ZNF225: variants seen among roughly 807,000 people sequenced by gnomAD.
The protein encoded by ZNF225 is zinc finger protein 225.
ZNF225 carries 6 observed loss-of-function variants against 12.0 expected under a neutral mutation model. The ratio of observed to expected loss-of-function variants is 0.50; its 90% CI spans 0.27 to 0.98. ZNF225 has a LOEUF of 0.98. Ranked by LOEUF, ZNF225 falls within the 50% of genes least tolerant of loss-of-function variation. The probability of loss-of-function intolerance (pLI) is 0.11; values close to 1 mark genes in which losing one functional copy is unlikely to be tolerated. For missense variants in ZNF225, 763 were observed against 848.2 expected, an observed-to-expected ratio of 0.90 and a Z score of 1.25; for synonymous variants, 271 against 283.2, an observed-to-expected ratio of 0.96 and a Z score of 0.43.
chr19:44,120,011 A>G (rs1446274177), intron 4 of ZNF225, among the ~76,000 whole-genome samples: 3 of 152,130 alleles, frequency 2.0e-5, no homozygotes, highest in Non-Finnish European at 4.4e-5. Flanking sequence ...TGAGATCAGG[A>G]GTTTGAGACC....
At chr19:44,113,017 G>C (rs1302504337), upstream of ZNF225, 1 of 152,210 alleles carries the variant, frequency 6.6e-6, no homozygotes, top group East Asian at 1.9e-4. Context: ...GCAGGCGCTC[G>C]TGGCTTTGGG....
Position 44,131,723 on chromosome 19 carries a change from A to C in ZNF225, c.1109A>C (p.Lys370Thr), listed in dbSNP as rs1968265386. The C allele has an allele frequency of 6.2e-7, 1 of 1,614,238 alleles. No homozygotes were observed. Among genetic ancestry groups the C allele is most frequent in the East Asian group, 2.2e-5 (1 of 44,888 alleles). Residue 370 changes from lysine (K) to threonine (T), a missense_variant, in exon 5 of 5, where the codon AAG becomes ACG. Transcript: ENST00000262894. ...YKHQIDHTGEKPYNCKECGKS... is the reference protein window; with the variant it reads ...YKHQIDHTGETPYNCKECGKS... ...CATCAGATAGACCACACAGGGGAGA[A>C]GCCATATAATTGTAAAGAATGTGGA...
upstream of ZNF225, among the ~76,000 whole-genome samples, chr19:44,112,609 T>C (rs970098586): frequency 6.6e-6 from 1 of 152,224 alleles, no homozygotes; most frequent in African/African-American, 2.4e-5. Flanking sequence ...AAAAGCTTTT[T>C]GGTTGAGCAA....
chr19:44,120,904 T>C (rs1599675580), intron 4 of ZNF225, among the ~76,000 whole-genome samples: 1 of 7,298 alleles, frequency 1.4e-4, no homozygotes, highest in South Asian at 3.2e-3. Context: ...CATTTCTCTC[T>C]TTTTTTTTTT....
At chr19:44,119,051 C>T (rs552745563) in intron 4 of ZNF225, among the ~76,000 whole-genome samples, 4 of 152,258 alleles carry the variant, frequency 2.6e-5, no homozygotes, top group East Asian at 3.9e-4. Context: ...CTCCTGACCT[C>T]GTGATCCGCC....
At position 44,133,309 on chromosome 19, in the gene ZNF225, A is replaced by G. The variant is rs1968326255; in HGVS notation, c.*574A>G. On this transcript the variant is annotated 3_prime_UTR_variant, in exon 5 of 5. Transcript: ENST00000262894. ...TATCGTGAATGGTGCTGCAATAAAC[A>G]TGGGGGGGTGGAGATAACACTTTAA... is the stretch of plus-strand genomic sequence containing the variant. The G allele has an allele frequency of 6.6e-6, 1 of 152,330 alleles. No individual in the cohort carries two copies. Among genetic ancestry groups the G allele is most frequent in the Non-Finnish European group, 1.5e-5 (1 of 68,214 alleles). 9.4% of individuals were successfully genotyped at this position (152,330 alleles called of 1,614,324 possible). A position where few individuals can be genotyped will look rare whatever the true frequency, so the allele number is the denominator to read the frequency against.
intron 2 of ZNF225, among the ~76,000 whole-genome samples, chr19:44,117,284 A>C (rs1967959749): frequency 6.6e-6 from 1 of 152,256 alleles, no homozygotes; most frequent in African/African-American, 2.4e-5. Flanking sequence ...AGGAAGGCAC[A>C]GAGCCTTGGG....
rs1200914276 is a variant in ZNF225, at chr19:44,131,455, A to G, written c.841A>G (p.Ile281Val). Residue 281 changes from isoleucine (I) to valine (V), a missense_variant, in exon 5 of 5, where the codon ATC becomes GTC. Transcript: ENST00000262894. The part of the protein sequence containing the change: ...HDSQLQEHQR[I>V]HTGEKPFKCD... ...TTCCCAGCTTCAGGAACATCAAAGA[A>G]TCCATACTGGGGAGAAGCCATTCAA... 6.2e-7 allele frequency: 1 copy of G among 1,614,212 alleles called. No individual in the cohort carries two copies. Among genetic ancestry groups the G allele is most frequent in the Non-Finnish European group, 8.5e-7 (1 of 1,180,032 alleles).
Position 44,131,095 on chromosome 19 carries a change from TCC to T in ZNF225, c.482_483del (p.Ser161CysfsTer3). The T allele has an allele frequency of 3.7e-6, 6 of 1,614,156 alleles. No homozygotes were observed. The highest frequency in any genetic ancestry group is 4.2e-6 in the Non-Finnish European group (5 of 1,179,982). The stretch of plus-strand genomic sequence containing the variant: ...GTGTAAAAAGTCCTTTAGTGATGTC[TCC>T]GTCCTTGATCTTCATCAACAACTAC... ...RTCKKSFSDV[S>X]VLDLHQQLQS... On this transcript the variant is annotated frameshift_variant, in exon 5 of 5. Coordinates refer to ENST00000262894, the MANE Select transcript of ZNF225 (RefSeq NM_013362.4). LOFTEE classifies it low-confidence loss of function (END_TRUNC).
intron 4 of ZNF225, chr19:44,129,765 C>T (rs189737533): frequency 2.0e-5 from 3 of 152,242 alleles, no homozygotes; most frequent in Admixed American, 1.3e-4. Flanking sequence ...ACTTACTAGA[C>T]CTACTACCTC....
chr19:44,131,199 G>A lies in ZNF225; in HGVS notation c.585G>A (p.Gln195=). ...FCYSSALRIH[Q]RVHMGEKLYN... is the part of the protein sequence containing the mutation. ...ATAGCTCAGCTCTTCGTATTCATCA[G>A]AGAGTTCACATGGGGGAGAAACTCT... The change falls in exon 5 of 5, where the codon CAG becomes CAA. Residue 195 remains glutamine, a synonymous_variant. Transcript: ENST00000262894. 2 of 1,614,196 alleles carry A rather than the reference G, an allele frequency of 1.2e-6. No homozygotes were observed. Among genetic ancestry groups the A allele is most frequent in the Non-Finnish European group, 1.7e-6 (2 of 1,180,040 alleles).
chr19:44,132,495 G>C lies in ZNF225; in HGVS notation c.1881G>C (p.Glu627Asp), dbSNP rs1304970575. The change falls in exon 5 of 5, where the codon GAG (glutamate) becomes GAC (aspartate). Residue 627 changes from glutamate (E) to aspartate (D), a missense_variant. Physicochemically the swap from Glu to Asp is conservative, Grantham distance 45. Coordinates refer to ENST00000262894, the MANE Select transcript of ZNF225 (RefSeq NM_013362.4). ...CTGGGGAAAAGCCATACAAATGTGA[G>C]AAGTGTGGAAAGAGCTTCAGATGGG... Reference protein sequence around the residue: ...VHTGEKPYKCEKCGKSFRWAS... With the variant: ...VHTGEKPYKCDKCGKSFRWAS... 1 of 1,613,866 alleles carries C rather than the reference G, an allele frequency of 6.2e-7. No homozygotes were observed. Among genetic ancestry groups the C allele is most frequent in the Non-Finnish European group, 8.5e-7 (1 of 1,179,950 alleles).
rs143323704 is a variant in ZNF225 at position 44,125,432 on chromosome 19, G to A, written c.236-5418G>A. On this transcript the variant is annotated intron_variant, in intron 4 of 4. Transcript: ENST00000262894. The stretch of plus-strand genomic sequence containing the variant: ...TTAATCTGATAGGTTTTCCTTTATA[G>A]GTTACCTGGTGCTTCTGTCTCACAG... 4.4e-3 allele frequency among the ~76,000 whole-genome samples: 667 copies of A among 152,292 alleles called. 4 individuals carry two copies. The highest frequency in any genetic ancestry group is 0.01 in the Middle Eastern group (3 of 294).
intron 4 of ZNF225, among the ~76,000 whole-genome samples, chr19:44,121,544 A>G (rs551018788): frequency 6.6e-6 from 1 of 152,250 alleles, no homozygotes; most frequent in South Asian, 2.1e-4. Flanking sequence ...TGGTAGTTCT[A>G]CTTTTAGTTC....
At chr19:44,114,774 G>A (rs1321093921) in intron 1 of ZNF225, among the ~76,000 whole-genome samples, 3 of 152,224 alleles carry the variant, frequency 2.0e-5, no homozygotes, top group African/African-American at 4.8e-5. Flanking sequence ...GCCTCCCAAA[G>A]TGTGGGATTA....
chr19:44,133,962 T>G lies in ZNF225; in HGVS notation c.*1227T>G, dbSNP rs780216938. On this transcript the variant is annotated 3_prime_UTR_variant, in exon 5 of 5. Transcript: ENST00000262894. ...TGTTCTAGACTGTATCTTTTCAGGA[T>G]GCTAGGTACTTTATGAAGATCCATG... 1 of 152,102 alleles carries G rather than the reference T, an allele frequency of 6.6e-6. No homozygotes were observed. The highest frequency in any genetic ancestry group is 2.4e-5 in the African/African-American group (1 of 41,394). 9.4% of individuals were successfully genotyped at this position (152,102 alleles called of 1,614,324 possible).
Position 44,115,741 on chromosome 19 carries a change from C to A in ZNF225, c.-68-19C>A. 1 of 1,372,790 alleles carries A rather than the reference C, an allele frequency of 7.3e-7. No homozygotes were observed. Among genetic ancestry groups the A allele is most frequent in the South Asian group, 1.3e-5 (1 of 74,496 alleles). 85.0% of individuals were successfully genotyped at this position (1,372,790 alleles called of 1,614,324 possible). ...CACACTTTCATGTCTCTTTTTCTGC[C>A]TTCCCTGGTACTTTCCAGGCAGGAT... On this transcript the variant is annotated intron_variant, in intron 1 of 4. Transcript: ENST00000262894.
At chr19:44,116,033 T>C (rs1291832143) in intron 2 of ZNF225, among the ~76,000 whole-genome samples, 191 bp downstream of exon 2, 1 of 152,134 alleles carries the variant, frequency 6.6e-6, no homozygotes, top group Admixed American at 6.5e-5. Flanking sequence ...AGAAAATTTT[T>C]GTATTTTTAG....
chr19:44,118,791 A>G (rs1967994715), intron 4 of ZNF225, among the ~76,000 whole-genome samples: 1 of 149,572 alleles, frequency 6.7e-6, no homozygotes, highest in Non-Finnish European at 1.5e-5. Flanking sequence ...TCAGACTGCC[A>G]TTCCTCGGCT....
Sources: allele counts gnomAD v4.1 joint callset (sites outside exome capture counted in the v4.1 genomes callset), GRCh38; gene constraint gnomAD v4.1.1; transcripts MANE v1.5; gene names NCBI Gene and HGNC (gene_info 2026-07-23, HGNC 2026-07-21).